The following ZNF407 variants were observed in gnomAD, a reference collection of about 807,000 sequenced individuals.
The protein encoded by ZNF407 is zinc finger protein 407.
ZNF407 carries 17 observed loss-of-function variants against 131.2 expected under a neutral mutation model. The observed-to-expected ratio is 0.13, with a 90% CI of 0.09 to 0.19. The LOEUF (loss-of-function observed/expected upper bound fraction) is 0.19, where lower values mean the gene tolerates loss of function less well. Among genes scored for constraint, ZNF407 ranks in the 10% least tolerant of loss-of-function variants. The probability of loss-of-function intolerance (pLI) is 1.00; values close to 1 mark genes in which losing one functional copy is unlikely to be tolerated. For missense variants in ZNF407, 2,681 were observed against 2,830.6 expected, an observed-to-expected ratio of 0.95 and a Z score of 1.20; for synonymous variants, 1,156 against 1,062.0, an observed-to-expected ratio of 1.09 and a Z score of -1.72.
intron 3 of ZNF407, among the ~76,000 whole-genome samples, chr18:74,652,853 G>T (rs1310106485): frequency 6.6e-6 from 1 of 151,916 alleles, no homozygotes; most frequent in African/African-American, 2.4e-5. Flanking sequence ...TATGTTAGGT[G>T]TTTATAGCTG....
At chr18:74,695,965 G>A (rs898565745) in intron 3 of ZNF407, among the ~76,000 whole-genome samples, 1 of 152,178 alleles carries the variant, frequency 6.6e-6, no homozygotes, top group Non-Finnish European at 1.5e-5. Flanking sequence ...TTTCCTTTAA[G>A]GTTAGGTTTT....
intron 8 of ZNF407, among the ~76,000 whole-genome samples, chr18:74,954,238 A>G (rs1433393312): frequency 6.6e-6 from 1 of 152,240 alleles, no homozygotes; most frequent in Non-Finnish European, 1.5e-5. Flanking sequence ...ACTTACCCAG[A>G]AACAGTTACT....
At chr18:74,875,573 G>A (rs1226066280) in intron 4 of ZNF407, among the ~76,000 whole-genome samples, 1 of 152,136 alleles carries the variant, frequency 6.6e-6, no homozygotes, top group African/African-American at 2.4e-5. Flanking sequence ...GTAGATAGGG[G>A]AATTTATCTT....
chr18:74,908,490 A>G (rs1971625466), intron 7 of ZNF407, among the ~76,000 whole-genome samples: 1 of 152,158 alleles, frequency 6.6e-6, no homozygotes, highest in African/African-American at 2.4e-5. Flanking sequence ...TCTTATATAC[A>G]TGGATCTTTG....
intron 3 of ZNF407, among the ~76,000 whole-genome samples, chr18:74,670,963 G>A (rs1353254066): frequency 6.6e-6 from 1 of 152,228 alleles, no homozygotes; most frequent in Non-Finnish European, 1.5e-5. Context: ...ACCGCTGTGA[G>A]CCCATCTTGA....
chr18:74,767,649 CTTTTTTTTTTTTTT>C (rs71905017), intron 3 of ZNF407, among the ~76,000 whole-genome samples: 1 of 84,418 alleles, frequency 1.2e-5, no homozygotes, highest in Non-Finnish European at 2.2e-5. Context: ...TCTGAATTCT[CTTTTTTTTTTTTTT>C]TTTTTTTTGA....
intron 1 of ZNF407, among the ~76,000 whole-genome samples, chr18:74,625,406 G>A (rs527978729): frequency 6.6e-6 from 1 of 152,228 alleles, no homozygotes; most frequent in East Asian, 1.9e-4. Flanking sequence ...ATGTGGTGGT[G>A]TGTGTTCCCT....
intron 8 of ZNF407, among the ~76,000 whole-genome samples, chr18:74,958,348 G>A (rs1016258567): frequency 1.3e-5 from 2 of 152,162 alleles, no homozygotes; most frequent in Admixed American, 1.3e-4. Context: ...GTGTTCTAAA[G>A]GTGAGAAAGC....
At position 74,906,982 on chromosome 18, in the gene ZNF407, TTATGTG is replaced by T. The variant is rs545954517; in HGVS notation, c.5250-13528_5250-13523del. On this transcript the variant is annotated intron_variant, in intron 7 of 8. Coordinates refer to ENST00000299687, the MANE Select transcript of ZNF407 (RefSeq NM_017757.3). ...ATATGCATATGTGTGCACACATACT[TTATGTG>T]TATATGTATAAATCTTATGTATACA... 8.5e-5 allele frequency among the ~76,000 whole-genome samples: 13 copies of T among 152,310 alleles called. 1 individual carries two copies. Among genetic ancestry groups the T allele is most frequent in the East Asian group, 5.8e-4 (3 of 5,186 alleles).
chr18:74,677,914 G>C (rs939963656), intron 3 of ZNF407, among the ~76,000 whole-genome samples: 5 of 152,022 alleles, frequency 3.3e-5, no homozygotes, highest in Admixed American at 6.5e-5. Flanking sequence ...TCTGCCTCTT[G>C]GGTTCAAATG....
intron 3 of ZNF407, among the ~76,000 whole-genome samples, chr18:74,685,937 G>A (rs755128053): frequency 3.3e-5 from 5 of 152,028 alleles, no homozygotes; most frequent in African/African-American, 4.8e-5. Context: ...GCTCTTCTTC[G>A]GGCATAGATC....
At chr18:74,983,713 G>A (rs1972619851) in intron 8 of ZNF407, among the ~76,000 whole-genome samples, 1 of 152,212 alleles carries the variant, frequency 6.6e-6, no homozygotes, top group Admixed American at 6.5e-5. Flanking sequence ...TGGAGAAGCA[G>A]GATAGGCACT....
chr18:74,948,262 G>GT (rs1249614620), intron 8 of ZNF407, among the ~76,000 whole-genome samples: 1 of 152,126 alleles, frequency 6.6e-6, no homozygotes, highest in Admixed American at 6.5e-5. Context: ...TTCACTTTAT[G>GT]TGCCATGGGA....
At chr18:74,646,663 A>G (rs7242021) in intron 3 of ZNF407, among the ~76,000 whole-genome samples, 4,098 of 152,336 alleles carry the variant, frequency 0.027, 168 homozygotes, top group African/African-American at 0.088. Context: ...TACGATTTTT[A>G]AAACTGTACA....
At chr18:75,007,370 G>C (rs1972923305) in intron 8 of ZNF407, among the ~76,000 whole-genome samples, 1 of 152,080 alleles carries the variant, frequency 6.6e-6, no homozygotes, top group Non-Finnish European at 1.5e-5. Context: ...CATGTGACAA[G>C]TGTAAATGTT....
At chr18:74,741,771 G>T (rs139502745) in intron 3 of ZNF407, among the ~76,000 whole-genome samples, 2 of 152,046 alleles carry the variant, frequency 1.3e-5, no homozygotes, top group South Asian at 2.1e-4. Flanking sequence ...CATGAAAACC[G>T]CCCCTCAGAT....
At chr18:74,666,256 C>T (rs1985926114) in intron 3 of ZNF407, among the ~76,000 whole-genome samples, 1 of 152,078 alleles carries the variant, frequency 6.6e-6, no homozygotes, top group African/African-American at 2.4e-5. Context: ...TTCTGTGGGC[C>T]AGGTGAATGT....
At chr18:74,623,034 ATGTG>A (rs200952647) in intron 1 of ZNF407, among the ~76,000 whole-genome samples, 1 of 6,322 alleles carries the variant, frequency 1.6e-4, no homozygotes, top group African/African-American at 2.6e-4. Context: ...GTGTGAGTGC[ATGTG>A]TGTGTGAATG....
intron 8 of ZNF407, 161 bp from the exon 9 acceptor site, chr18:75,062,989 T>C: frequency 1.6e-6 from 1 of 635,338 alleles, no homozygotes; most frequent in South Asian, 2.4e-5. Flanking sequence ...CACGGAGGCC[T>C]CTGGCCCTGC....
Sources: gnomAD v4.1 joint callset for allele counts (sites outside exome capture counted in the v4.1 genomes callset) on GRCh38, gnomAD v4.1.1 for gene constraint, MANE v1.5 for transcripts, NCBI Gene and HGNC (gene_info 2026-07-23, HGNC 2026-07-21) for gene names.